The following KDM4B variants were observed in gnomAD, a reference collection of about 807,000 sequenced individuals.
The protein encoded by KDM4B is lysine demethylase 4B, also known as lysine-specific demethylase 4B.
A neutral mutation model predicts 125.2 loss-of-function variants in KDM4B; 32 were observed. The ratio of observed to expected loss-of-function variants is 0.26; its 90% CI spans 0.19 to 0.34. KDM4B has a LOEUF of 0.34. Ranked by LOEUF, KDM4B falls within the 10% of genes least tolerant of loss-of-function variation. The pLI is 1.00. For synonymous variants in KDM4B, 721 were observed against 677.9 expected (o/e 1.06, Z -0.99); for missense variants, 1,190 against 1,577.7 (o/e 0.75, Z 4.16).
At chr19:5,005,205 G>A (rs887621809) in intron 1 of KDM4B, among the ~76,000 whole-genome samples, 3 of 152,230 alleles carry the variant, frequency 2.0e-5, no homozygotes, top group African/African-American at 7.2e-5. Flanking sequence ...GGCTACAGGA[G>A]TGGCCTGTGG....
intron 6 of KDM4B, among the ~76,000 whole-genome samples, chr19:5,060,662 T>G (rs1351153683): frequency 6.6e-6 from 1 of 151,936 alleles, no homozygotes; most frequent in African/African-American, 2.4e-5. Flanking sequence ...TCCTGGTTGT[T>G]GATGAGCAGA....
chr19:5,058,962 TC>T (rs748157811), intron 6 of KDM4B, among the ~76,000 whole-genome samples: 9 of 152,226 alleles, frequency 5.9e-5, no homozygotes, highest in Admixed American at 3.3e-4. Context: ...TGAATTCCCA[TC>T]TTCAGATAAT....
intron 1 of KDM4B, among the ~76,000 whole-genome samples, chr19:4,992,627 T>G (rs1315580700): frequency 6.6e-6 from 1 of 152,130 alleles, no homozygotes; most frequent in Non-Finnish European, 1.5e-5. Context: ...TAAAAAATAA[T>G]TTTGTGGAGA....
chr19:5,133,181 C>T (rs1189168866), intron 13 of KDM4B, among the ~76,000 whole-genome samples: 3 of 152,196 alleles, frequency 2.0e-5, no homozygotes, highest in African/African-American at 7.2e-5. Flanking sequence ...TGGGGTGCGG[C>T]AGCTGGCAAT....
intron 11 of KDM4B, among the ~76,000 whole-genome samples, chr19:5,120,767 C>CT (rs2039345887): frequency 6.6e-6 from 1 of 152,140 alleles, no homozygotes; most frequent in East Asian, 1.9e-4. Flanking sequence ...GCTGGGAGCC[C>CT]TTCCCTCTCC....
intron 10 of KDM4B, 121 bp downstream of exon 10, chr19:5,110,939 C>T: frequency 1.4e-6 from 1 of 722,686 alleles, no homozygotes; most frequent in South Asian, 2.0e-5. Flanking sequence ...TCCCTTTCTT[C>T]CTATTCCCAC....
In KDM4B at chr19:5,132,170, C is replaced by T. The variant is rs529948343; in HGVS notation, c.1906+163C>T. On this transcript the variant is annotated intron_variant, in intron 13 of 22. Coordinates refer to ENST00000159111, the MANE Select transcript of KDM4B (RefSeq NM_015015.3). Reference sequence around the variant, plus strand: ...GCTCTGCCGTAGCGACAGGCTGTCACTGGGGCAGGTGGTCGTGCGGGGAGG... The same window carrying T: ...GCTCTGCCGTAGCGACAGGCTGTCATTGGGGCAGGTGGTCGTGCGGGGAGG... 3.5e-3 allele frequency among the ~76,000 whole-genome samples: 538 copies of T among 152,162 alleles called. 2 individuals are homozygous for T. The highest frequency in any genetic ancestry group is 6.8e-3 in the Middle Eastern group (2 of 292).
chr19:5,132,785 G>A (rs752282036), intron 13 of KDM4B, among the ~76,000 whole-genome samples: 91 of 152,286 alleles, frequency 6.0e-4, no homozygotes, highest in Non-Finnish European at 9.4e-4. Context: ...AGACCATCAC[G>A]GCCCCAGAAC....
intron 1 of KDM4B, among the ~76,000 whole-genome samples, chr19:5,015,185 G>C (rs1568228225): frequency 6.6e-6 from 1 of 152,018 alleles, no homozygotes; most frequent in Non-Finnish European, 1.5e-5. Context: ...AGGGCTCGCA[G>C]GCCTGGGCAC....
intron 10 of KDM4B, chr19:5,111,494 C>T (rs781146349): frequency 2.1e-5 from 16 of 765,156 alleles, no homozygotes; most frequent in Middle Eastern, 2.2e-4. Flanking sequence ...CATGGGGACA[C>T]GGAGGCAGGT....
intron 1 of KDM4B, among the ~76,000 whole-genome samples, chr19:4,991,398 G>A (rs1244542095): frequency 1.3e-5 from 2 of 152,148 alleles, no homozygotes; most frequent in African/African-American, 4.8e-5. Context: ...AGGATCACTT[G>A]AGTCCAGTAG....
At position 5,035,880 on chromosome 19, in the gene KDM4B, T is replaced by TGTGTGTGTGTGTGTGTGTGTGTGCGC. The variant is rs58219404; in HGVS notation, c.141+2850_141+2851insTGTGTGTGTGTGTGTGTGTGTGCGCG. Among the ~76,000 whole-genome samples, 16 of 136,398 alleles carry TGTGTGTGTGTGTGTGTGTGTGTGCGC rather than the reference T, an allele frequency of 1.2e-4. No individual in the cohort carries two copies. Among genetic ancestry groups the TGTGTGTGTGTGTGTGTGTGTGTGCGC allele is most frequent in the African/African-American group, 4.2e-4 (16 of 37,792 alleles). The allele number at this position is 136,398 out of a possible 152,430, so 89.5% of individuals were successfully genotyped here. A position where few individuals can be genotyped will look rare whatever the true frequency, so the allele number is the denominator to read the frequency against. On this transcript the variant is annotated intron_variant, in intron 3 of 22. Transcript: ENST00000159111. This position sits in a 1 kb window ranked among gnomAD's most constrained non-coding sequence, Gnocchi z 5.3. ...ACGTGTCTCTGTGTGTGTGTGTGTG[T>TGTGTGTGTGTGTGTGTGTGTGTGCGC]GCGCGCGCGCGCGCGCCTGCGCGCA...
chr19:5,031,014 C>T (rs2036435619), intron 2 of KDM4B, among the ~76,000 whole-genome samples: 1 of 152,262 alleles, frequency 6.6e-6, no homozygotes, highest in Non-Finnish European at 1.5e-5. Flanking sequence ...ATCGTGGCTA[C>T]TGGCCCAGCT....
At chr19:5,086,716 C>T (rs1446361546) in intron 9 of KDM4B, among the ~76,000 whole-genome samples, 1 of 152,218 alleles carries the variant, frequency 6.6e-6, no homozygotes, top group Non-Finnish European at 1.5e-5. Flanking sequence ...CCCACCGCCT[C>T]ACCACACCTC....
intron 9 of KDM4B, among the ~76,000 whole-genome samples, chr19:5,108,543 C>T (rs755547172): frequency 2.0e-5 from 3 of 152,160 alleles, no homozygotes; most frequent in African/African-American, 7.2e-5. Context: ...TCCCCAACCC[C>T]GTCAGATTTG....
intron 1 of KDM4B, among the ~76,000 whole-genome samples, chr19:4,982,373 A>G (rs1347490571): frequency 6.8e-6 from 1 of 146,372 alleles, no homozygotes; most frequent in Non-Finnish European, 1.5e-5. Context: ...AATCTCTTGA[A>G]CCTGAGAGGC....
At chr19:5,123,304 G>A (rs146971493) in intron 11 of KDM4B, among the ~76,000 whole-genome samples, 44 of 152,342 alleles carry the variant, frequency 2.9e-4, no homozygotes, top group African/African-American at 1.0e-3. Context: ...GGAAGGTCAC[G>A]GTCCAGGTGT....
At chr19:5,040,269 G>A (rs1002053438) in intron 4 of KDM4B, among the ~76,000 whole-genome samples, 9 of 152,094 alleles carry the variant, frequency 5.9e-5, no homozygotes, top group Non-Finnish European at 1.0e-4. Context: ...CCTGGTCCCC[G>A]GCCTGGGAGC....
chr19:5,150,361 G>C lies in KDM4B; in HGVS notation c.3025G>C (p.Glu1009Gln). ...SSVTSHIYQV[E>Q]FEDGSQLTVK... ...TGAGAGCCACATCCCCCTGCAGGTG[G>C]AGTTTGAGGACGGGTCCCAGCTGAC... The change falls in exon 22 of 23, where the codon GAG (glutamate) becomes CAG (glutamine). Residue 1009 changes from glutamate to glutamine, a missense_variant. Glu to Gln is a conservative substitution (Grantham distance 29). Coordinates refer to ENST00000159111, the MANE Select transcript of KDM4B (RefSeq NM_015015.3). 6.4e-7 allele frequency: 1 copy of C among 1,551,130 alleles called. No homozygotes were observed. The highest frequency in any genetic ancestry group is 1.2e-5 in the South Asian group (1 of 84,060).
Sources: gnomAD v4.1 joint callset for allele counts (sites outside exome capture counted in the v4.1 genomes callset) on GRCh38, gnomAD v4.1.1 for gene constraint, Gnocchi (gnomAD v3.1) non-coding constraint, MANE v1.5 for transcripts, NCBI Gene and HGNC (gene_info 2026-07-23, HGNC 2026-07-21) for gene names.